The following RBFOX1 variants were observed in gnomAD, a reference collection of about 807,000 sequenced individuals.
The protein encoded by RBFOX1 is RNA binding fox-1 homolog 1, also known as RNA binding protein fox-1 homolog 1.
In RBFOX1, 8 loss-of-function variants were observed where a neutral mutation model predicts 57.7. That is an observed-to-expected ratio of 0.14 (90% CI 0.08 to 0.25). RBFOX1 has a LOEUF of 0.25. Ranked by LOEUF, RBFOX1 falls within the 10% of genes least tolerant of loss-of-function variation. The pLI is 1.00. For synonymous variants in RBFOX1, 326 were observed against 222.4 expected (o/e 1.47, Z -4.15); for missense variants, 611 against 548.5 (o/e 1.11, Z -1.14).
intron 3 of RBFOX1, among the ~76,000 whole-genome samples, chr16:6,860,188 C>G (rs768281447): frequency 1.3e-5 from 2 of 152,146 alleles, no homozygotes; most frequent in African/African-American, 4.8e-5. Context: ...TCTGCAATAG[C>G]GGAAATGAAT....
At chr16:5,327,627 A>T (rs568691371) in intron 1 of RBFOX1, among the ~76,000 whole-genome samples, 6 of 152,182 alleles carry the variant, frequency 3.9e-5, no homozygotes, top group African/African-American at 1.4e-4. Flanking sequence ...ATCCTCCCCT[A>T]CTTCCCCACT....
intron 4 of RBFOX1, among the ~76,000 whole-genome samples, chr16:5,930,881 G>C (rs1260905192): frequency 6.8e-6 from 1 of 147,364 alleles, no homozygotes; most frequent in Non-Finnish European, 1.5e-5. Flanking sequence ...TGGCTGGGTA[G>C]GTGGGAGGGT....
chr16:5,883,102 A>C (rs189512305), intron 4 of RBFOX1, among the ~76,000 whole-genome samples: 19 of 152,322 alleles, frequency 1.2e-4, no homozygotes, highest in African/African-American at 4.6e-4. Flanking sequence ...GGGTACTTGA[A>C]TCATGTATCA....
intron 3 of RBFOX1, among the ~76,000 whole-genome samples, chr16:6,805,757 C>T (rs1402030068): frequency 3.9e-5 from 6 of 152,156 alleles, no homozygotes; most frequent in African/African-American, 1.4e-4. Flanking sequence ...TTTCCCTCCA[C>T]TGTAAAGTCT....
At chr16:7,643,555 T>C (rs1019325918) in intron 11 of RBFOX1, among the ~76,000 whole-genome samples, 3 of 152,212 alleles carry the variant, frequency 2.0e-5, no homozygotes, top group African/African-American at 7.2e-5. Flanking sequence ...GAGCTCATCA[T>C]TGTGACAGTA....
At chr16:7,638,003 T>G (rs2062051721) in intron 11 of RBFOX1, among the ~76,000 whole-genome samples, 1 of 152,226 alleles carries the variant, frequency 6.6e-6, no homozygotes, top group Non-Finnish European at 1.5e-5. Context: ...TATTTCAATT[T>G]TGATAGTCTG....
At chr16:5,700,174 T>G (rs541199507) in intron 3 of RBFOX1, among the ~76,000 whole-genome samples, 1 of 152,240 alleles carries the variant, frequency 6.6e-6, no homozygotes, top group East Asian at 1.9e-4. Context: ...TTAATATTTT[T>G]TGAAATAGTT....
intron 1 of RBFOX1, among the ~76,000 whole-genome samples, chr16:5,322,564 C>G (rs1246866185): frequency 2.0e-5 from 3 of 152,188 alleles, no homozygotes; most frequent in Non-Finnish European, 4.4e-5. Flanking sequence ...TCAGATTGAA[C>G]TGATGTAGGT....
intron 1 of RBFOX1, among the ~76,000 whole-genome samples, chr16:6,056,818 T>C (rs1165260028): frequency 2.0e-5 from 3 of 150,692 alleles, no homozygotes; most frequent in Admixed American, 6.7e-5. Context: ...ACTGGTTGAC[T>C]GGACATGTGA....
intron 4 of RBFOX1, among the ~76,000 whole-genome samples, chr16:5,965,212 C>A (rs990584461): frequency 6.6e-6 from 1 of 152,132 alleles, no homozygotes; most frequent in Non-Finnish European, 1.5e-5. Context: ...TGAACAAGTT[C>A]TGGAGACCTA....
intron 1 of RBFOX1, among the ~76,000 whole-genome samples, chr16:5,327,279 C>T (rs1216269819): frequency 6.6e-6 from 1 of 152,110 alleles, no homozygotes. Context: ...TGCCCCATGT[C>T]CCTGCCTCTC....
At chr16:6,856,832 G>A (rs148414178) in intron 3 of RBFOX1, among the ~76,000 whole-genome samples, 376 of 152,152 alleles carry the variant, frequency 2.5e-3, no homozygotes, top group African/African-American at 8.5e-3. Flanking sequence ...TCAAACCACT[G>A]ATTGACAGAT....
At position 6,845,861 on chromosome 16, in the gene RBFOX1, G is replaced by A. The variant is rs1050472687; in HGVS notation, c.-16+191211G>A. Among the ~76,000 whole-genome samples the A allele has an allele frequency of 2.6e-5, 4 of 152,174 alleles. No homozygotes were observed. The East Asian group carries it at 5.8e-4, about 22-fold the overall frequency. On this transcript the variant is annotated intron_variant, in intron 3 of 15. Transcript: ENST00000550418. ...TTGGGATAATCTCAGTCCCACTTGT[G>A]TATGGCTATTCCTTCTGATTCTTTA... is the stretch of plus-strand genomic sequence containing the variant.
chr16:6,621,586 A>G (rs1567920907), intron 2 of RBFOX1, among the ~76,000 whole-genome samples: 1 of 152,214 alleles, frequency 6.6e-6, no homozygotes, highest in Non-Finnish European at 1.5e-5. Flanking sequence ...AAATAAGGTC[A>G]CATTCTCAGG....
intron 4 of RBFOX1, among the ~76,000 whole-genome samples, chr16:7,059,445 G>T (rs941678469): frequency 3.9e-5 from 6 of 152,012 alleles, no homozygotes; most frequent in Non-Finnish European, 8.8e-5. Context: ...AGGCAGTAGA[G>T]GTATAATAAT....
At chr16:7,006,449 G>A (rs1324286035) in intron 3 of RBFOX1, among the ~76,000 whole-genome samples, 4 of 152,074 alleles carry the variant, frequency 2.6e-5, no homozygotes, top group Admixed American at 1.3e-4. Context: ...CACTGCGCCC[G>A]GCCAAACAAG....
intron 4 of RBFOX1, among the ~76,000 whole-genome samples, chr16:7,444,285 G>T (rs572649757): frequency 6.6e-6 from 1 of 152,094 alleles, no homozygotes; most frequent in Non-Finnish European, 1.5e-5. Context: ...CGTGGGTGTG[G>T]TCTGGCTGGA....
chr16:7,216,878 A>G (rs2092137882), intron 4 of RBFOX1, among the ~76,000 whole-genome samples: 1 of 152,218 alleles, frequency 6.6e-6, no homozygotes, highest in South Asian at 2.1e-4. Flanking sequence ...CTTTTCAATC[A>G]TCCTGTGTTG....
At chr16:5,949,352 C>G (rs1048712288) in intron 4 of RBFOX1, among the ~76,000 whole-genome samples, 2 of 151,714 alleles carry the variant, frequency 1.3e-5, no homozygotes, top group African/African-American at 4.8e-5. Flanking sequence ...CAGTGAAACC[C>G]TGTCTGTACT....
Sources: gnomAD v4.1 joint callset for allele counts (sites outside exome capture counted in the v4.1 genomes callset) on GRCh38, gnomAD v4.1.1 for gene constraint, MANE v1.5 for transcripts, NCBI Gene and HGNC (gene_info 2026-07-23, HGNC 2026-07-21) for gene names.